Variants in UBE2E1 observed in about 807,000 individuals in gnomAD.
UBE2E1 encodes ubiquitin conjugating enzyme E2 E1, also known as ubiquitin-conjugating enzyme E2 E1.
A neutral mutation model predicts 21.4 loss-of-function variants in UBE2E1; 6 were observed. That is an observed-to-expected ratio of 0.28 (90% CI 0.15 to 0.55). The LOEUF is 0.55. UBE2E1 is among the 20% of genes least tolerant of loss of function. The pLI, the probability that UBE2E1 is intolerant of heterozygous loss-of-function variation, is 0.93. For synonymous variants in UBE2E1, 87 were observed against 82.7 expected (o/e 1.05, Z -0.28); for missense variants, 142 against 236.5 (o/e 0.60, Z 2.62).
At chr3:23,837,268 C>G (rs1459830915) in intron 3 of UBE2E1, among the ~76,000 whole-genome samples, 2 of 152,162 alleles carry the variant, frequency 1.3e-5, no homozygotes, top group African/African-American at 4.8e-5. Flanking sequence ...AGTTAAGTAA[C>G]TTGCCTGTGA....
chr3:23,821,995 A>G (rs1699656418), intron 3 of UBE2E1, among the ~76,000 whole-genome samples: 1 of 152,248 alleles, frequency 6.6e-6, no homozygotes, highest in African/African-American at 2.4e-5. Flanking sequence ...AAGGAAAGGC[A>G]TCATGAGAAG....
chr3:23,890,333 C>T (rs1337481685), intron 5 of UBE2E1, among the ~76,000 whole-genome samples, 176 bp from the exon 6 acceptor site: 3 of 152,130 alleles, frequency 2.0e-5, no homozygotes, highest in South Asian at 2.1e-4. Context: ...CTTCCCCCAA[C>T]GTTATGTTTT....
intron 3 of UBE2E1, chr3:23,879,111 TA>T (rs1700980319): frequency 1.9e-6 from 1 of 525,364 alleles, no homozygotes; most frequent in Non-Finnish European, 3.6e-6. Flanking sequence ...TGTTAGCAAC[TA>T]TAAGTAGAGG....
intron 3 of UBE2E1, among the ~76,000 whole-genome samples, chr3:23,831,365 T>C (rs963469861): frequency 1.3e-5 from 2 of 152,160 alleles, no homozygotes; most frequent in African/African-American, 4.8e-5. Flanking sequence ...AGAAACTTAC[T>C]TTTGGCCAGT....
intron 3 of UBE2E1, among the ~76,000 whole-genome samples, chr3:23,817,421 C>CA (rs369690021): frequency 0.028 from 1,179 of 42,062 alleles, 39 homozygotes; most frequent in East Asian, 0.24. Context: ...GACTCTGTCT[C>CA]AAAAAAAAAA....
chr3:23,806,179 C>T lies in UBE2E1; in HGVS notation c.-34+91C>T, dbSNP rs7646772. 0.33 allele frequency: 47,458 copies of T among 145,476 alleles called. 8,269 individuals carry two copies. The highest frequency in any genetic ancestry group is 0.44 in the African/African-American group (17,838 of 40,346). 9.0% of individuals were successfully genotyped at this position (145,476 alleles called of 1,614,324 possible). On this transcript the variant is annotated intron_variant, in intron 1 of 5. Coordinates refer to ENST00000306627, the MANE Select transcript of UBE2E1 (RefSeq NM_003341.5). This position sits in a 1 kb window ranked among gnomAD's most constrained non-coding sequence, Gnocchi z 6.5. ...CGCCGCCTCCCCCGACTCGCGCCGC[C>T]GGGGCCGCCGGGCCGCAGGGCACGG...
At chr3:23,889,425 A>T (rs1392045920) in intron 5 of UBE2E1, 166 bp downstream of exon 5, 3 of 1,466,856 alleles carry the variant, frequency 2.0e-6, no homozygotes, top group Non-Finnish European at 1.8e-6. Context: ...CTACTAGTTG[A>T]GACACACAAC....
intron 3 of UBE2E1, among the ~76,000 whole-genome samples, chr3:23,824,471 T>C (rs1024585054): frequency 6.6e-6 from 1 of 152,262 alleles, no homozygotes; most frequent in African/African-American, 2.4e-5. Context: ...AAAATCTTTC[T>C]GCAGTTAATG....
rs1240868158 is a variant in UBE2E1 at position 23,871,837 on chromosome 3, T to G, written c.204-15730T>G. Among the ~76,000 whole-genome samples, 64 of 151,682 alleles carry G rather than the reference T, an allele frequency of 4.2e-4. 1 individual carries two copies. The highest frequency in any genetic ancestry group is 1.5e-3 in the African/African-American group (63 of 41,310). On this transcript the variant is annotated intron_variant, in intron 3 of 5. Coordinates refer to ENST00000306627, the MANE Select transcript of UBE2E1 (RefSeq NM_003341.5). ...GATGGCGGCCGGGAAGAGGCGCTCC[T>G]CACTTCCTAGATGGGATGGCGGCGG...
rs1176703778 is a variant in UBE2E1, at chr3:23,891,605, C to G, written c.*999C>G. ...TAGCAAGTACATGAGAAATGGGTTC[C>G]GTCATGGATAAATTGGTACCCTGCC... On this transcript the variant is annotated 3_prime_UTR_variant, in exon 6 of 6. Coordinates refer to ENST00000306627, the MANE Select transcript of UBE2E1 (RefSeq NM_003341.5). The G allele has an allele frequency of 1.3e-5, 2 of 152,148 alleles. No individual in the cohort carries two copies. Among genetic ancestry groups the G allele is most frequent in the Non-Finnish European group, 2.9e-5 (2 of 68,038 alleles). The allele number at this position is 152,148 out of a possible 1,614,324, so 9.4% of individuals were successfully genotyped here. A position where few individuals can be genotyped will look rare whatever the true frequency, so the allele number is the denominator to read the frequency against.
chr3:23,821,697 A>G (rs1039183604), intron 3 of UBE2E1, among the ~76,000 whole-genome samples: 1 of 152,052 alleles, frequency 6.6e-6, no homozygotes, highest in African/African-American at 2.4e-5. Flanking sequence ...TTTTTTTGCA[A>G]TTGGCTAGAT....
At chr3:23,841,121 A>G (rs1700075836) in intron 3 of UBE2E1, among the ~76,000 whole-genome samples, 1 of 152,210 alleles carries the variant, frequency 6.6e-6, no homozygotes, top group South Asian at 2.1e-4. Context: ...GATATTATTT[A>G]CTTTTAGAGA....
intron 3 of UBE2E1, among the ~76,000 whole-genome samples, chr3:23,874,835 C>A (rs1261122598): frequency 6.6e-6 from 1 of 152,142 alleles, no homozygotes; most frequent in Non-Finnish European, 1.5e-5. Flanking sequence ...CACTGCCGTA[C>A]CCCCAACCCC....
At chr3:23,812,109 CA>C (rs1699407623) in intron 3 of UBE2E1, among the ~76,000 whole-genome samples, 2 of 152,000 alleles carry the variant, frequency 1.3e-5, no homozygotes, top group African/African-American at 4.8e-5. Flanking sequence ...AGTTTCAAAA[CA>C]AATTGAAACC....
rs1449297654 is a variant in UBE2E1, at chr3:23,823,334, GT to G, written c.203+11828del. ...GATAATTGAGGGTAGAATTAAGAAA[GT>G]TTTAGGATTAGGAATCATTCTTCTA... is the stretch of plus-strand genomic sequence containing the variant. On this transcript the variant is annotated intron_variant, in intron 3 of 5. Transcript: ENST00000306627. This position sits in a 1 kb window ranked among gnomAD's most constrained non-coding sequence, Gnocchi z 4.2. Among the ~76,000 whole-genome samples the G allele has an allele frequency of 1.3e-5, 2 of 152,186 alleles. No individual in the cohort carries two copies. The highest frequency in any genetic ancestry group is 4.8e-5 in the African/African-American group (2 of 41,430).
rs555626121 is a variant in UBE2E1 at position 23,850,745 on chromosome 3, G to A, written c.204-36822G>A. Among the ~76,000 whole-genome samples the A allele has an allele frequency of 1.6e-3, 232 of 141,806 alleles. 1 individual carries two copies. The highest frequency in any genetic ancestry group is 6.0e-3 in the African/African-American group (230 of 38,074). 93.0% of individuals were successfully genotyped at this position (141,806 alleles called of 152,430 possible). A position where few individuals can be genotyped will look rare whatever the true frequency, so the allele number is the denominator to read the frequency against. ...GTCACCCATGCCAGAGCTGTGGCAT[G>A]ATCATGGCTGTCTGCAGCCTCAGGC... On this transcript the variant is annotated intron_variant, in intron 3 of 5. Transcript: ENST00000306627.
At position 23,833,507 on chromosome 3, in the gene UBE2E1, C is replaced by T. The variant is rs1011405461; in HGVS notation, c.203+21997C>T. 2.6e-5 allele frequency among the ~76,000 whole-genome samples: 4 copies of T among 152,140 alleles called. No individual in the cohort carries two copies. The East Asian group carries it at 7.7e-4, about 29-fold the overall frequency. On this transcript the variant is annotated intron_variant, in intron 3 of 5. Transcript: ENST00000306627. ...GATACAAATAAACACTGATTCAGAA[C>T]GCCACATGAGAGTCTGAAAGCCATG...
rs1699254722 is a variant in UBE2E1, at chr3:23,805,989, C to G, written c.-133C>G. The G allele has an allele frequency of 6.5e-6, 1 of 153,890 alleles. No homozygotes were observed. The highest frequency in any genetic ancestry group is 6.6e-5 in the Admixed American group (1 of 15,236). The allele number at this position is 153,890 out of a possible 1,614,324, so 9.5% of individuals were successfully genotyped here. A position where few individuals can be genotyped will look rare whatever the true frequency, so the allele number is the denominator to read the frequency against. ...TTAATAGTTGCTGTTGCTGCACTTC[C>G]GCTTCTCTCCCAGCGAGAGAGAGAC... On this transcript the variant is annotated 5_prime_UTR_variant, in exon 1 of 6. Coordinates refer to ENST00000306627, the MANE Select transcript of UBE2E1 (RefSeq NM_003341.5). The surrounding 1 kb of genome is among the most constrained non-coding windows in gnomAD (Gnocchi z 6.5).
intron 2 of UBE2E1, chr3:23,811,130 AG>A (rs1699381481): frequency 2.8e-6 from 1 of 356,376 alleles, no homozygotes; most frequent in South Asian, 4.9e-5. Context: ...GGTGCAGGGG[AG>A]GGACTGAGGA....
Sources: gnomAD v4.1 joint callset for allele counts (sites outside exome capture counted in the v4.1 genomes callset) on GRCh38, gnomAD v4.1.1 for gene constraint, Gnocchi (gnomAD v3.1) non-coding constraint, MANE v1.5 for transcripts, NCBI Gene and HGNC (gene_info 2026-07-23, HGNC 2026-07-21) for gene names.